The following LMTK2 variants were observed in gnomAD, a reference collection of about 807,000 sequenced individuals.
The protein encoded by LMTK2 is lemur tail kinase 2.
In LMTK2, 37 loss-of-function variants were observed where a neutral mutation model predicts 127.5. That is an observed-to-expected ratio of 0.29 (90% CI 0.22 to 0.38). The LOEUF (loss-of-function observed/expected upper bound fraction) is 0.38. Among genes scored for constraint, LMTK2 ranks in the 10% least tolerant of loss-of-function variants. The probability of loss-of-function intolerance (pLI) is 1.00; values close to 1 mark genes in which losing one functional copy is unlikely to be tolerated. For synonymous variants in LMTK2, 819 were observed against 810.1 expected (o/e 1.01, Z -0.19); for missense variants, 1,694 against 1,920.3 (o/e 0.88, Z 2.20).
chr7:98,133,239 T>G (rs938752380), intron 1 of LMTK2, among the ~76,000 whole-genome samples: 1 of 152,172 alleles, frequency 6.6e-6, no homozygotes, highest in Non-Finnish European at 1.5e-5. Flanking sequence ...TTGATGTTGT[T>G]TGGTAGATGA....
At chr7:98,190,648 A>T in intron 9 of LMTK2, 80 bp from the exon 10 acceptor site, 1 of 1,267,556 alleles carries the variant, frequency 7.9e-7, no homozygotes, top group Non-Finnish European at 1.1e-6. Flanking sequence ...CCTTAAAATT[A>T]CTGGCTATGT....
rs926734057 is a variant in LMTK2, at chr7:98,207,561, A to G, written c.*2069A>G. On this transcript the variant is annotated 3_prime_UTR_variant, in exon 14 of 14. Coordinates refer to ENST00000297293, the MANE Select transcript of LMTK2 (RefSeq NM_014916.4). Reference sequence around the variant, plus strand: ...AGAAGATGATTTTGCCAAAATTGTCATGACTCTGAATTCTTGCTGTGGGGA... The same window carrying G: ...AGAAGATGATTTTGCCAAAATTGTCGTGACTCTGAATTCTTGCTGTGGGGA... 7.3e-5 allele frequency: 11 copies of G among 151,380 alleles called. No individual in the cohort carries two copies. Among genetic ancestry groups the G allele is most frequent in the Non-Finnish European group, 1.3e-4 (9 of 67,942 alleles). The allele number at this position is 151,380 out of a possible 1,614,324, so 9.4% of individuals were successfully genotyped here.
rs557168077 is a variant in LMTK2 at position 98,135,188 on chromosome 7, G to A, written c.104-2127G>A. 1.1e-4 allele frequency among the ~76,000 whole-genome samples: 16 copies of A among 152,258 alleles called. No homozygotes were observed. The South Asian group carries it at 2.5e-3, about 24-fold the overall frequency. On this transcript the variant is annotated intron_variant, in intron 1 of 13. Transcript: ENST00000297293. ...TTTGCTCACCTAGGAGTTTGGGTTA[G>A]TTTTTCCTCTCTTCAAGTACCCTAG...
At chr7:98,135,070 C>A (rs1051157780) in intron 1 of LMTK2, among the ~76,000 whole-genome samples, 1 of 152,122 alleles carries the variant, frequency 6.6e-6, no homozygotes, top group Non-Finnish European at 1.5e-5. Context: ...ACAAAGGGAC[C>A]TTTTGTTATT....
At chr7:98,162,751 A>G (rs1797033476) in intron 6 of LMTK2, among the ~76,000 whole-genome samples, 1 of 152,250 alleles carries the variant, frequency 6.6e-6, no homozygotes, top group South Asian at 2.1e-4. Context: ...CATATGATCC[A>G]GCTAGTTCCA....
chr7:98,113,689 CT>C (rs1796236851), intron 1 of LMTK2, among the ~76,000 whole-genome samples: 2 of 152,202 alleles, frequency 1.3e-5, no homozygotes, highest in Non-Finnish European at 2.9e-5. Flanking sequence ...CATCTCTGAT[CT>C]AGAAGACTGC....
chr7:98,184,221 G>A (rs1405324984), intron 7 of LMTK2, among the ~76,000 whole-genome samples: 3 of 152,034 alleles, frequency 2.0e-5, no homozygotes, highest in African/African-American at 2.4e-5. Flanking sequence ...TTAACCTGTC[G>A]AGCGTTCCCA....
chr7:98,114,696 C>T (rs548298267), intron 1 of LMTK2, among the ~76,000 whole-genome samples: 1 of 152,234 alleles, frequency 6.6e-6, no homozygotes, highest in Non-Finnish European at 1.5e-5. Context: ...TGTTGTTGTT[C>T]CTGCCTCCAC....
chr7:98,117,767 G>A (rs1157125853), intron 1 of LMTK2, among the ~76,000 whole-genome samples: 1 of 152,108 alleles, frequency 6.6e-6, no homozygotes, highest in African/African-American at 2.4e-5. Context: ...AGGAGTTCAA[G>A]ACTAGCCTGA....
In LMTK2 at chr7:98,162,595, C is replaced by T. The variant is rs112254128; in HGVS notation, c.657+3170C>T. Among the ~76,000 whole-genome samples, 1,073 of 152,264 alleles carry T rather than the reference C, an allele frequency of 7.0e-3. 10 individuals are homozygous for T. Among genetic ancestry groups the T allele is most frequent in the Middle Eastern group, 0.027 (8 of 294 alleles). On this transcript the variant is annotated intron_variant, in intron 6 of 13. Coordinates refer to ENST00000297293, the MANE Select transcript of LMTK2 (RefSeq NM_014916.4). The stretch of plus-strand genomic sequence containing the variant: ...CGGGGACGGTCACTCCTGAACATCC[C>T]GAGGAGCTCTGGTCGCCATCAAAAG...
chr7:98,192,220 A>C lies in LMTK2; in HGVS notation c.1755A>C (p.Glu585Asp). Residue 585 changes from glutamate to aspartate, a missense_variant, in exon 11 of 14, where the codon GAA becomes GAC. Physicochemically the swap from Glu to Asp is conservative, Grantham distance 45. This residue lies in a region of LMTK2 where 527 missense variants were observed against 539.8 expected (regional missense o/e 0.98). Transcript: ENST00000297293. ...ATAATCCAGAAAGGACTGGCCCTGA[A>C]CTGTCCCAGCTCACGGCGCTCAGGA... ...DMDNPERTGP[E>D]LSQLTALRSV... The C allele has an allele frequency of 6.6e-7, 1 of 1,524,586 alleles. No individual in the cohort carries two copies. Among genetic ancestry groups the C allele is most frequent in the Middle Eastern group, 1.8e-4 (1 of 5,618 alleles). The allele number at this position is 1,524,586 out of a possible 1,614,324, so 94.4% of individuals were successfully genotyped here. A position where few individuals can be genotyped will look rare whatever the true frequency, so the allele number is the denominator to read the frequency against.
At chr7:98,109,255 A>C (rs1796163896) in intron 1 of LMTK2, among the ~76,000 whole-genome samples, 5 of 152,230 alleles carry the variant, frequency 3.3e-5, no homozygotes, top group Admixed American at 3.3e-4. Flanking sequence ...TGTAGAACAA[A>C]GCAATCAGAA....
chr7:98,160,021 A>G (rs182252952), intron 6 of LMTK2, among the ~76,000 whole-genome samples: 5 of 152,380 alleles, frequency 3.3e-5, no homozygotes, highest in African/African-American at 1.2e-4. Context: ...GAATAATTTC[A>G]GTAGTAATTT....
chr7:98,179,606 C>T (rs1797324614), intron 7 of LMTK2, among the ~76,000 whole-genome samples: 1 of 148,352 alleles, frequency 6.7e-6, no homozygotes, highest in Non-Finnish European at 1.5e-5. Context: ...TCTCTCCCTC[C>T]CTCCCTTTCT....
In LMTK2 at chr7:98,191,831, G is replaced by C; in HGVS notation, c.1366G>C (p.Gly456Arg). The change falls in exon 11 of 14, where the codon GGT becomes CGT. Residue 456 changes from glycine to arginine, a missense_variant. Physicochemically the swap from Gly to Arg is moderately radical, Grantham distance 125. This residue lies in a region of LMTK2 where 216 missense variants were observed against 266.8 expected (regional missense o/e 0.81). Coordinates refer to ENST00000297293, the MANE Select transcript of LMTK2 (RefSeq NM_014916.4). ...ILDHFARDRLGREMEEVLTVT... is the reference protein window; with the variant it reads ...ILDHFARDRLRREMEEVLTVT... ...CGACCACTTTGCCAGGGACCGGCTG[G>C]GTCGTGAAATGGAGGAAGTCCTCAC... 6.2e-7 allele frequency: 1 copy of C among 1,614,166 alleles called. No individual in the cohort carries two copies. The highest frequency in any genetic ancestry group is 8.5e-7 in the Non-Finnish European group (1 of 1,180,030).
At chr7:98,188,455 G>T (rs889505518) in intron 9 of LMTK2, among the ~76,000 whole-genome samples, 5 of 152,040 alleles carry the variant, frequency 3.3e-5, no homozygotes, top group African/African-American at 9.7e-5. Context: ...TTTAAAAAAA[G>T]TTATTATTAT....
At chr7:98,158,375 C>CG (rs1796960131) in intron 5 of LMTK2, among the ~76,000 whole-genome samples, 1 of 152,196 alleles carries the variant, frequency 6.6e-6, no homozygotes, top group Non-Finnish European at 1.5e-5. Context: ...CCTGCGCTCA[C>CG]GCAATACTCC....
intron 3 of LMTK2, among the ~76,000 whole-genome samples, chr7:98,145,503 C>T (rs910091180): frequency 3.3e-5 from 5 of 151,962 alleles, no homozygotes; most frequent in Admixed American, 1.3e-4. Flanking sequence ...GATCTAAAAC[C>T]CATCTTGAGT....
Position 98,194,181 on chromosome 7 carries a change from C to T in LMTK2, c.3716C>T (p.Thr1239Ile). The change falls in exon 11 of 14, where the codon ACC becomes ATC. Residue 1239 changes from threonine (T) to isoleucine (I), a missense_variant. Transcript: ENST00000297293. This position sits in a 1 kb window ranked among gnomAD's most constrained non-coding sequence, Gnocchi z 5.4. ...GTNTNELLAY[T>I]NSALDKSLSS... The stretch of plus-strand genomic sequence containing the variant: ...AACACGAACGAACTCCTTGCCTACA[C>T]CAATTCTGCGCTGGACAAGTCCCTG... 6.2e-7 allele frequency: 1 copy of T among 1,614,014 alleles called. No individual in the cohort carries two copies. The highest frequency in any genetic ancestry group is 8.5e-7 in the Non-Finnish European group (1 of 1,180,020).
Sources: allele counts gnomAD v4.1 joint callset (sites outside exome capture counted in the v4.1 genomes callset), GRCh38; gene constraint gnomAD v4.1.1; regional missense constraint gnomAD v4.1.1; non-coding constraint Gnocchi (gnomAD v3.1); transcripts MANE v1.5; gene names NCBI Gene and HGNC (gene_info 2026-07-23, HGNC 2026-07-21).